Variants in RAB2B observed in about 807,000 individuals in gnomAD.
The protein encoded by RAB2B is RAB2B, member RAS oncogene family, also known as ras-related protein Rab-2B.
RAB2B carries 20 observed loss-of-function variants against 29.8 expected under a neutral mutation model. That is an observed-to-expected ratio of 0.67 (90% CI 0.47 to 0.97). The LOEUF (loss-of-function observed/expected upper bound fraction) is 0.97. Among genes scored for constraint, RAB2B ranks in the 50% least tolerant of loss-of-function variants. The pLI is 0.00. For synonymous variants in RAB2B, 93 were observed against 91.7 expected (o/e 1.01, Z -0.08); for missense variants, 218 against 272.0 (o/e 0.80, Z 1.40).
chr14:21,464,931 A>C (rs563339288), intron 5 of RAB2B, among the ~76,000 whole-genome samples: 1 of 152,284 alleles, frequency 6.6e-6, no homozygotes, highest in East Asian at 1.9e-4. Context: ...TGAGCCCTGG[A>C]AACAGGTTGC....
In RAB2B at chr14:21,461,315, A is replaced by T; in HGVS notation, c.544-12T>A. On this transcript the variant is annotated splice_polypyrimidine_tract_variant and intron_variant, in intron 7 of 7. Coordinates refer to ENST00000397762, the MANE Select transcript of RAB2B (RefSeq NM_032846.4). ...TTGATGCCATTTGCCTGTAAAAGAA[A>T]AGAGGCAATAGTTCCCACCTCAGTG... The T allele has an allele frequency of 6.3e-7, 1 of 1,593,618 alleles. No individual in the cohort carries two copies. Among genetic ancestry groups the T allele is most frequent in the Non-Finnish European group, 8.6e-7 (1 of 1,162,652 alleles).
At position 21,459,249 on chromosome 14, in the gene RAB2B, T is replaced by A. The variant is rs1053457071; in HGVS notation, c.*1947A>T. On this transcript the variant is annotated 3_prime_UTR_variant, in exon 8 of 8. Coordinates refer to ENST00000397762, the MANE Select transcript of RAB2B (RefSeq NM_032846.4). ...GAATGGCTGGATAGGTACCCACTTA[T>A]GTGACTGCTTACTAGCAGGCAGCCT... 1 of 152,136 alleles carries A rather than the reference T, an allele frequency of 6.6e-6. No homozygotes were observed. The highest frequency in any genetic ancestry group is 1.5e-5 in the Non-Finnish European group (1 of 68,042). The allele number at this position is 152,136 out of a possible 1,614,324, so 9.4% of individuals were successfully genotyped here. A position where few individuals can be genotyped will look rare whatever the true frequency, so the allele number is the denominator to read the frequency against.
chr14:21,469,827 T>C (rs1249579430), intron 3 of RAB2B, among the ~76,000 whole-genome samples: 1 of 152,136 alleles, frequency 6.6e-6, no homozygotes, highest in Admixed American at 6.6e-5. Flanking sequence ...ATTATAACAC[T>C]GCAATAGTAC....
intron 3 of RAB2B, among the ~76,000 whole-genome samples, chr14:21,470,993 C>CAAAAAAAAAAAAAA (rs869211285): frequency 7.1e-5 from 7 of 98,762 alleles, no homozygotes; most frequent in African/African-American, 2.6e-4. Context: ...GCTAAAAATA[C>CAAAAAAAAAAAAAA]AAAAAAAAAA....
intron 5 of RAB2B, among the ~76,000 whole-genome samples, chr14:21,465,276 G>A (rs1426506204): frequency 1.3e-5 from 2 of 152,184 alleles, no homozygotes; most frequent in Non-Finnish European, 2.9e-5. Flanking sequence ...TTGTACATTT[G>A]TGAATTCTTC....
At chr14:21,464,379 G>A (rs56691236) in intron 5 of RAB2B, among the ~76,000 whole-genome samples, 5,351 of 151,808 alleles carry the variant, frequency 0.035, 316 homozygotes, top group African/African-American at 0.12. Context: ...CAGCCTCAGC[G>A]ACAGAGCAAG....
At chr14:21,476,462 T>C in intron 2 of RAB2B, 66 bp downstream of exon 2, 1 of 1,589,730 alleles carries the variant, frequency 6.3e-7, no homozygotes, top group East Asian at 2.2e-5. Context: ...GGCTGCTAAC[T>C]TTCCACTTTA....
chr14:21,463,569 T>G lies in RAB2B; in HGVS notation c.474+87A>C, dbSNP rs1890617014. Reference sequence around the variant, plus strand: ...GCCAAGACATCCTTTCTTTACCAATTTCTTATAGGAGAAGAGAATTCTGAA... The same window carrying G: ...GCCAAGACATCCTTTCTTTACCAATGTCTTATAGGAGAAGAGAATTCTGAA... On this transcript the variant is annotated intron_variant, in intron 6 of 7. Transcript: ENST00000397762. The G allele has an allele frequency of 6.0e-6, 6 of 1,006,644 alleles. No homozygotes were observed. In the South Asian group the frequency reaches 8.2e-5, roughly 14 times the overall value. The allele number at this position is 1,006,644 out of a possible 1,614,324, so 62.4% of individuals were successfully genotyped here. A position where few individuals can be genotyped will look rare whatever the true frequency, so the allele number is the denominator to read the frequency against.
In RAB2B at chr14:21,459,326, G is replaced by C. The variant is rs1332560421; in HGVS notation, c.*1870C>G. ...AAAAAGCCAGGGAAAGGTGGGAGGG[G>C]AGAAGGAAGAGAACTGTATAAAACC... On this transcript the variant is annotated 3_prime_UTR_variant, in exon 8 of 8. Transcript: ENST00000397762. 1 of 152,230 alleles carries C rather than the reference G, an allele frequency of 6.6e-6. No homozygotes were observed. Among genetic ancestry groups the C allele is most frequent in the Non-Finnish European group, 1.5e-5 (1 of 68,044 alleles). The allele number at this position is 152,230 out of a possible 1,614,324, so 9.4% of individuals were successfully genotyped here. A position where few individuals can be genotyped will look rare whatever the true frequency, so the allele number is the denominator to read the frequency against.
Position 21,459,888 on chromosome 14 carries a change from A to C in RAB2B, c.*1308T>G, listed in dbSNP as rs1378889364. The C allele has an allele frequency of 7.2e-6, 2 of 276,598 alleles. No homozygotes were observed. The highest frequency in any genetic ancestry group is 4.4e-5 in the African/African-American group (2 of 45,340). The allele number at this position is 276,598 out of a possible 1,614,324, so 17.1% of individuals were successfully genotyped here. A position where few individuals can be genotyped will look rare whatever the true frequency, so the allele number is the denominator to read the frequency against. ...AGTTAAGAAGGGAGTTTGATGAAAC[A>C]GTAGAAGTCTATCTGGTGAAAGACA... On this transcript the variant is annotated 3_prime_UTR_variant, in exon 8 of 8. Coordinates refer to ENST00000397762, the MANE Select transcript of RAB2B (RefSeq NM_032846.4).
At chr14:21,474,338 T>C (rs1426653962) in intron 3 of RAB2B, among the ~76,000 whole-genome samples, 2 of 152,220 alleles carry the variant, frequency 1.3e-5, no homozygotes, top group Non-Finnish European at 2.9e-5. Context: ...CAGATCTATA[T>C]GTATTGATAT....
chr14:21,468,756 T>TC lies in RAB2B; in HGVS notation c.187-5dup. 1 of 1,521,520 alleles carries TC rather than the reference T, an allele frequency of 6.6e-7. No homozygotes were observed. 94.3% of individuals were successfully genotyped at this position (1,521,520 alleles called of 1,614,324 possible). ...AACGGAAGGATTCTTGCCCAGCCTT[T>TC]CCCACCAACATGGCAACAAAAAATC... On this transcript the variant is annotated splice_polypyrimidine_tract_variant and splice_region_variant and intron_variant, in intron 3 of 7. Coordinates refer to ENST00000397762, the MANE Select transcript of RAB2B (RefSeq NM_032846.4).
chr14:21,464,370 A>G (rs1890639221), intron 5 of RAB2B, among the ~76,000 whole-genome samples: 1 of 152,144 alleles, frequency 6.6e-6, no homozygotes. Context: ...ATTGCACTCC[A>G]GCCTCAGCGA....
intron 5 of RAB2B, among the ~76,000 whole-genome samples, chr14:21,465,318 A>G (rs1733607096): frequency 6.6e-6 from 1 of 152,246 alleles, no homozygotes; most frequent in African/African-American, 2.4e-5. Context: ...ACGGACTTCA[A>G]ACTTAACACA....
At chr14:21,463,428 G>T (rs1273908513) in intron 6 of RAB2B, among the ~76,000 whole-genome samples, 2 of 151,970 alleles carry the variant, frequency 1.3e-5, no homozygotes, top group Non-Finnish European at 1.5e-5. Flanking sequence ...TTGTATTTTA[G>T]TAGAGATGGG....
At chr14:21,476,634 C>G (rs775201441) in intron 1 of RAB2B, 35 bp from the exon 2 acceptor site, 1 of 1,613,540 alleles carries the variant, frequency 6.2e-7, no homozygotes, top group Non-Finnish European at 8.5e-7. Context: ...AATCACGCAG[C>G]CCTGGAACAC....
chr14:21,465,397 A>G (rs1890663563), intron 5 of RAB2B, among the ~76,000 whole-genome samples: 1 of 152,248 alleles, frequency 6.6e-6, no homozygotes, highest in South Asian at 2.1e-4. Flanking sequence ...AAATGGCATA[A>G]GCCAAAAACC....
intron 6 of RAB2B, among the ~76,000 whole-genome samples, chr14:21,463,005 C>T (rs1890600168): frequency 6.6e-6 from 1 of 152,016 alleles, no homozygotes; most frequent in Non-Finnish European, 1.5e-5. Flanking sequence ...AACAAACATA[C>T]TCTATTCTCC....
intron 7 of RAB2B, 116 bp downstream of exon 7, chr14:21,462,234 A>T: frequency 2.9e-6 from 2 of 688,708 alleles, no homozygotes; most frequent in Non-Finnish European, 4.5e-6. Flanking sequence ...TTGAATTGGC[A>T]GAGCTTTTAA....
Sources: allele counts gnomAD v4.1 joint callset (sites outside exome capture counted in the v4.1 genomes callset), GRCh38; gene constraint gnomAD v4.1.1; transcripts MANE v1.5; gene names NCBI Gene and HGNC (gene_info 2026-07-23, HGNC 2026-07-21).